RANBP2: variants seen among roughly 807,000 people sequenced by gnomAD.
RANBP2 encodes the protein RAN binding protein 2, also known as E3 SUMO-protein ligase RanBP2.
Under a neutral mutation model 303.6 loss-of-function variants are expected in RANBP2, and 57 were observed. The ratio of observed to expected loss-of-function variants is 0.19; its 90% CI spans 0.15 to 0.23. RANBP2 has a LOEUF of 0.23. Among genes scored for constraint, RANBP2 ranks in the 10% least tolerant of loss-of-function variants. The probability of loss-of-function intolerance (pLI) is 1.00; values close to 1 mark genes in which losing one functional copy is unlikely to be tolerated. For missense variants in RANBP2, 3,138 were observed against 3,780.8 expected, an observed-to-expected ratio of 0.83 and a Z score of 4.46; for synonymous variants, 1,167 against 1,301.5, an observed-to-expected ratio of 0.90 and a Z score of 2.23.
chr2:109,252,390 C>T, the RANBP2 span, among the ~76,000 whole-genome samples: 1 of 152,094 alleles, frequency 6.6e-6, no homozygotes, highest in East Asian at 1.9e-4. Context: ...ATTTTCTGAA[C>T]TTAATGTTTA....
the RANBP2 span, among the ~76,000 whole-genome samples, chr2:109,275,213 A>T: frequency 1.3e-5 from 2 of 152,282 alleles, no homozygotes; most frequent in African/African-American, 4.8e-5. Flanking sequence ...TTTGCTGCAT[A>T]CAGTGAGGCC....
intron 6 of RANBP2, among the ~76,000 whole-genome samples, chr2:108,736,647 C>T (rs1370360407): frequency 1.3e-5 from 2 of 152,146 alleles, no homozygotes; most frequent in Admixed American, 6.6e-5. Context: ...AGTATAAGCA[C>T]TTAGCATCAC....
chr2:108,976,385 C>G, the RANBP2 span, among the ~76,000 whole-genome samples: 1 of 152,208 alleles, frequency 6.6e-6, no homozygotes, highest in Non-Finnish European at 1.5e-5. Flanking sequence ...CATGAAGGGT[C>G]CATGCTACCA....
chr2:108,758,038 C>T (rs1676447156), intron 17 of RANBP2, among the ~76,000 whole-genome samples: 2 of 152,044 alleles, frequency 1.3e-5, no homozygotes. Flanking sequence ...TGGGTCACAC[C>T]TATAATCCCA....
chr2:109,191,585 G>A, the RANBP2 span, among the ~76,000 whole-genome samples: 1 of 152,196 alleles, frequency 6.6e-6, no homozygotes, highest in African/African-American at 2.4e-5. Context: ...GACTTGAGGG[G>A]CAGGCATTTC....
the RANBP2 span, among the ~76,000 whole-genome samples, chr2:109,250,974 GC>G: frequency 6.6e-6 from 1 of 151,566 alleles, no homozygotes; most frequent in African/African-American, 2.4e-5. Flanking sequence ...ATTCTGTATA[GC>G]TTTTTTTTTC....
chr2:108,904,337 C>T, the RANBP2 span, among the ~76,000 whole-genome samples: 5 of 152,166 alleles, frequency 3.3e-5, no homozygotes, highest in African/African-American at 1.2e-4. Context: ...TATGGAGAAA[C>T]TAGACCGTTC....
the RANBP2 span, among the ~76,000 whole-genome samples, chr2:109,151,000 T>C: frequency 6.6e-6 from 1 of 152,194 alleles, no homozygotes; most frequent in South Asian, 2.1e-4. Flanking sequence ...GAAACATTGA[T>C]GAAGGTCGAC....
chr2:108,981,057 C>T, the RANBP2 span, among the ~76,000 whole-genome samples: 1 of 152,230 alleles, frequency 6.6e-6, no homozygotes, highest in African/African-American at 2.4e-5. Context: ...ATGAGCAGGA[C>T]TTCCAATGTG....
the RANBP2 span, among the ~76,000 whole-genome samples, chr2:109,102,037 C>A: frequency 1.3e-5 from 2 of 152,152 alleles, no homozygotes; most frequent in Non-Finnish European, 2.9e-5. Flanking sequence ...TATAAAGTAG[C>A]CTGCCCCCAC....
At chr2:109,677,973 G>T in the RANBP2 span, among the ~76,000 whole-genome samples, 5 of 152,214 alleles carry the variant, frequency 3.3e-5, no homozygotes, top group Non-Finnish European at 7.3e-5. Flanking sequence ...GAATGCCTGT[G>T]ACCAGAGGGG....
At chr2:109,033,817 G>T in the RANBP2 span, among the ~76,000 whole-genome samples, 1 of 151,886 alleles carries the variant, frequency 6.6e-6, no homozygotes, top group South Asian at 2.1e-4. Flanking sequence ...TGAGCCAGGT[G>T]TGGTGGCGGG....
At chr2:109,614,760 TC>T in the RANBP2 span, 1 of 1,479,082 alleles carries the variant, frequency 6.8e-7, no homozygotes, top group Admixed American at 2.3e-5. Context: ...GTCCGAGCCC[TC>T]CGGGGACCCG....
chr2:109,297,933 C>T, the RANBP2 span, among the ~76,000 whole-genome samples: 18 of 151,622 alleles, frequency 1.2e-4, no homozygotes, highest in Non-Finnish European at 2.7e-4. Context: ...ATGTGTGTTC[C>T]CCCCCCACCA....
chr2:109,139,419 G>C, the RANBP2 span, among the ~76,000 whole-genome samples: 2 of 152,078 alleles, frequency 1.3e-5, no homozygotes, highest in Non-Finnish European at 1.5e-5. Flanking sequence ...AAAGGTGAAT[G>C]CTCTCACACA....
the RANBP2 span, among the ~76,000 whole-genome samples, chr2:109,143,358 C>T: frequency 3.9e-5 from 6 of 152,076 alleles, no homozygotes; most frequent in Non-Finnish European, 8.8e-5. Flanking sequence ...AACCTCAAAG[C>T]GAGATGTGCA....
chr2:109,414,086 T>A, the RANBP2 span, among the ~76,000 whole-genome samples: 1 of 152,150 alleles, frequency 6.6e-6, no homozygotes, highest in African/African-American at 2.4e-5. Flanking sequence ...TCCTTCTGTT[T>A]ATTGGGCTGC....
chr2:109,226,344 G>T, the RANBP2 span, among the ~76,000 whole-genome samples: 1 of 152,112 alleles, frequency 6.6e-6, no homozygotes, highest in African/African-American at 2.4e-5. Context: ...CAAAGCTAAA[G>T]TCACATTGAC....
the RANBP2 span, among the ~76,000 whole-genome samples, chr2:109,031,329 G>A: frequency 2.0e-5 from 3 of 152,178 alleles, no homozygotes; most frequent in Non-Finnish European, 4.4e-5. Flanking sequence ...CAGGGGTGGG[G>A]TAGAGACGGG....
Sources: gnomAD v4.1 joint callset for allele counts (sites outside exome capture counted in the v4.1 genomes callset) on GRCh38, gnomAD v4.1.1 for gene constraint, MANE v1.5 for transcripts, NCBI Gene and HGNC (gene_info 2026-07-23, HGNC 2026-07-21) for gene names.